The following MACROD2 variants were observed in gnomAD, a reference collection of about 807,000 sequenced individuals.
MACROD2 encodes the protein mono-ADP ribosylhydrolase 2.
MACROD2 carries 36 observed loss-of-function variants against 70.4 expected under a neutral mutation model. The observed-to-expected ratio is 0.51, with a 90% confidence interval of 0.39 to 0.68. The LOEUF (loss-of-function observed/expected upper bound fraction) is 0.68, where lower values mean the gene tolerates loss of function less well. Among genes scored for constraint, MACROD2 ranks in the 30% least tolerant of loss-of-function variants. The pLI is 0.00. For missense variants in MACROD2, 496 were observed against 538.4 expected (o/e 0.92, Z 0.78); for synonymous variants, 172 against 178.8 (o/e 0.96, Z 0.30).
At chr20:15,270,309 A>G (rs562028109) in intron 6 of MACROD2, among the ~76,000 whole-genome samples, 30 of 152,330 alleles carry the variant, frequency 2.0e-4, no homozygotes, top group Admixed American at 3.3e-4. Flanking sequence ...CCAACTTTTG[A>G]TACATGCAAC....
At chr20:15,653,407 G>A (rs1333385580) in intron 8 of MACROD2, among the ~76,000 whole-genome samples, 5 of 152,230 alleles carry the variant, frequency 3.3e-5, no homozygotes, top group African/African-American at 4.8e-5. Context: ...AGAATCAGCT[G>A]TCGTGCAGTA....
chr20:15,680,344 G>A (rs190584357), intron 8 of MACROD2, among the ~76,000 whole-genome samples: 92 of 152,166 alleles, frequency 6.0e-4, no homozygotes, highest in Admixed American at 1.1e-3. Context: ...TTCTTACCTT[G>A]GTGACAGTTT....
intron 5 of MACROD2, among the ~76,000 whole-genome samples, chr20:14,707,294 A>T (rs1024794169): frequency 1.3e-5 from 2 of 152,154 alleles, no homozygotes; most frequent in African/African-American, 4.8e-5. Flanking sequence ...TAGCAGCGGG[A>T]TCCAGCAATG....
chr20:15,375,809 T>C (rs1280011407), intron 6 of MACROD2, among the ~76,000 whole-genome samples: 1 of 152,060 alleles, frequency 6.6e-6, no homozygotes, highest in Non-Finnish European at 1.5e-5. Flanking sequence ...AAAGGGCTAG[T>C]TTTAGGCCCT....
At chr20:14,027,096 A>G (rs113083002) in intron 2 of MACROD2, among the ~76,000 whole-genome samples, 5 of 152,230 alleles carry the variant, frequency 3.3e-5, no homozygotes, top group Admixed American at 6.5e-5. Context: ...AGGTACACCA[A>G]TCAAACGTAG....
chr20:15,537,467 C>CTTTT (rs35857138), intron 8 of MACROD2, among the ~76,000 whole-genome samples: 91 of 89,936 alleles, frequency 1.0e-3, no homozygotes, highest in East Asian at 2.1e-3. Context: ...TCCCACTCAT[C>CTTTT]TTTTTTTTTT....
In MACROD2 at chr20:16,044,648, C is replaced by A; in HGVS notation, c.1300+9C>A. 1 of 1,607,358 alleles carries A rather than the reference C, an allele frequency of 6.2e-7. No homozygotes were observed. Among genetic ancestry groups the A allele is most frequent in the Non-Finnish European group, 8.5e-7 (1 of 1,174,562 alleles). ...AGAAGATCAACTAATAGGTAAGATG[C>A]CCCTTGTGGTGAGATTTTCAATGAT... On this transcript the variant is annotated intron_variant, in intron 17 of 17. Coordinates refer to ENST00000684519, the MANE Select transcript of MACROD2 (RefSeq NM_001351661.2).
intron 6 of MACROD2, among the ~76,000 whole-genome samples, chr20:15,297,412 CT>C (rs1486359647): frequency 6.6e-6 from 1 of 152,134 alleles, no homozygotes; most frequent in African/African-American, 2.4e-5. Flanking sequence ...TACATTCCAA[CT>C]TTCTTTTTAA....
intron 5 of MACROD2, among the ~76,000 whole-genome samples, chr20:14,884,862 A>G (rs2073653999): frequency 6.6e-6 from 1 of 152,092 alleles, no homozygotes; most frequent in South Asian, 2.1e-4. Flanking sequence ...ACAACCCTTT[A>G]CTTTAACCCA....
chr20:15,614,432 C>T (rs1600669072), intron 8 of MACROD2, among the ~76,000 whole-genome samples: 3 of 152,204 alleles, frequency 2.0e-5, no homozygotes, highest in African/African-American at 7.2e-5. Context: ...AATTGCAATT[C>T]ATTTTATAAT....
At chr20:15,546,280 T>C (rs570280555) in intron 8 of MACROD2, among the ~76,000 whole-genome samples, 1 of 152,316 alleles carries the variant, frequency 6.6e-6, no homozygotes, top group African/African-American at 2.4e-5. Flanking sequence ...CTTCACATGA[T>C]AGCTAACACT....
At chr20:15,480,747 C>G (rs1043766117) in intron 7 of MACROD2, among the ~76,000 whole-genome samples, 71 of 152,140 alleles carry the variant, frequency 4.7e-4, no homozygotes, top group Non-Finnish European at 8.8e-5. Flanking sequence ...CCATGCCACT[C>G]CCTTTTTTCC....
At chr20:14,448,405 G>C (rs1390926448) in intron 3 of MACROD2, among the ~76,000 whole-genome samples, 3 of 151,922 alleles carry the variant, frequency 2.0e-5, no homozygotes, top group East Asian at 3.9e-4. Flanking sequence ...GGCCAGGCGC[G>C]GTGACTCATG....
intron 4 of MACROD2, among the ~76,000 whole-genome samples, chr20:14,517,199 A>G (rs905020743): frequency 6.6e-6 from 1 of 152,190 alleles, no homozygotes; most frequent in Non-Finnish European, 1.5e-5. Flanking sequence ...TATATACCCA[A>G]AGGATTATAA....
chr20:14,083,712 G>A (rs145662085), intron 2 of MACROD2, among the ~76,000 whole-genome samples: 63 of 152,152 alleles, frequency 4.1e-4, no homozygotes, highest in African/African-American at 1.4e-3. Context: ...TTTTCTCTAT[G>A]TCATTAACAT....
chr20:14,601,477 T>G (rs1982494631), intron 4 of MACROD2, among the ~76,000 whole-genome samples: 1 of 152,034 alleles, frequency 6.6e-6, no homozygotes, highest in African/African-American at 2.4e-5. Flanking sequence ...ACCCCTGGTA[T>G]AGATAAGCCA....
intron 10 of MACROD2, among the ~76,000 whole-genome samples, chr20:15,911,890 T>G (rs1251648954): frequency 6.6e-6 from 1 of 152,200 alleles, no homozygotes; most frequent in East Asian, 1.9e-4. Flanking sequence ...CGTGTAATCC[T>G]GGCTACTCAG....
Position 14,087,261 on chromosome 20 carries a change from T to C in MACROD2, c.271+1533T>C, listed in dbSNP as rs544561703. On this transcript the variant is annotated intron_variant, in intron 3 of 17. Transcript: ENST00000684519. ...AAATACAAAAATTAGCCAGGTGTGA[T>C]GGCGAGTGCCTGTAGTCCCAGCTAC... is the stretch of plus-strand genomic sequence containing the variant. 3.9e-5 allele frequency among the ~76,000 whole-genome samples: 6 copies of C among 152,206 alleles called. No individual in the cohort carries two copies. The East Asian group carries it at 9.7e-4, about 25-fold the overall frequency.
chr20:14,261,245 GA>G (rs1463745885), intron 3 of MACROD2, among the ~76,000 whole-genome samples: 6 of 134,392 alleles, frequency 4.5e-5, no homozygotes, highest in African/African-American at 1.3e-4. Context: ...AGTCACTTTG[GA>G]ACATCAGTAA....
Sources: allele counts gnomAD v4.1 joint callset (sites outside exome capture counted in the v4.1 genomes callset), GRCh38; gene constraint gnomAD v4.1.1; transcripts MANE v1.5; gene names NCBI Gene and HGNC (gene_info 2026-07-23, HGNC 2026-07-21).